Variants in RAB7A observed in about 807,000 individuals in gnomAD.
RAB7A encodes RAB7A, member RAS oncogene family.
In RAB7A, 2 loss-of-function variants were observed where a neutral mutation model predicts 24.5. That is an observed-to-expected ratio of 0.08 (90% CI 0.03 to 0.26). RAB7A has a LOEUF of 0.26. RAB7A is among the 10% of genes least tolerant of loss of function. The probability of loss-of-function intolerance (pLI) is 1.00; values close to 1 mark genes in which losing one functional copy is unlikely to be tolerated. For synonymous variants in RAB7A, 100 were observed against 95.9 expected, an observed-to-expected ratio of 1.04 and a Z score of -0.25; for missense variants, 118 against 255.7, an observed-to-expected ratio of 0.46 and a Z score of 3.67.
intron 1 of RAB7A, among the ~76,000 whole-genome samples, chr3:128,734,165 C>G (rs969532654): frequency 3.3e-5 from 5 of 152,104 alleles, no homozygotes; most frequent in Admixed American, 6.5e-5. Flanking sequence ...CACAGTGGCT[C>G]ATGCCTGTAA....
intron 5 of RAB7A, among the ~76,000 whole-genome samples, chr3:128,808,351 CTCTG>C (rs1280767677): frequency 6.6e-6 from 1 of 151,944 alleles, no homozygotes; most frequent in South Asian, 2.1e-4. Flanking sequence ...CAGAGTGGGA[CTCTG>C]TCTAAAAAAA....
At chr3:128,791,050 C>T (rs927948239) in intron 1 of RAB7A, among the ~76,000 whole-genome samples, 17 of 152,028 alleles carry the variant, frequency 1.1e-4, no homozygotes, top group African/African-American at 3.4e-4. Flanking sequence ...GTCCTGTACT[C>T]GTGCTAACCA....
rs1245141879 is a variant in RAB7A, at chr3:128,806,623, A to G, written c.399+33A>G. 3 of 1,584,488 alleles carry G rather than the reference A, an allele frequency of 1.9e-6. No individual in the cohort carries two copies. The African/African-American group carries it at 4.0e-5, about 21-fold the overall frequency. On this transcript the variant is annotated intron_variant, in intron 4 of 5. Transcript: ENST00000265062. ...CCAACGATGATAGATATTGTCACAG[A>G]CACCTGCTCCCCAGGGGCCTTGTGA...
intron 3 of RAB7A, among the ~76,000 whole-genome samples, chr3:128,802,693 G>A (rs1933725251): frequency 6.6e-6 from 1 of 151,806 alleles, no homozygotes; most frequent in Admixed American, 6.6e-5. Flanking sequence ...ATTCTTAGTA[G>A]AGATGGGGTT....
chr3:128,727,240 T>G (rs2070389551), intron 1 of RAB7A, among the ~76,000 whole-genome samples: 1 of 152,240 alleles, frequency 6.6e-6, no homozygotes, highest in Admixed American at 6.5e-5. Context: ...TGTGCCCACT[T>G]AACACAGTGG....
chr3:128,774,368 GGA>G (rs1003654482), intron 1 of RAB7A, among the ~76,000 whole-genome samples: 1 of 151,932 alleles, frequency 6.6e-6, no homozygotes, highest in Non-Finnish European at 1.5e-5. Context: ...GGTGTTGGGT[GGA>G]GAGTGGTTGG....
chr3:128,740,521 A>G (rs942757761), intron 1 of RAB7A, among the ~76,000 whole-genome samples: 2 of 152,098 alleles, frequency 1.3e-5, no homozygotes, highest in Admixed American at 6.6e-5. Flanking sequence ...TCATTTATAT[A>G]CTTGTCAATT....
chr3:128,803,459 T>C (rs1933739096), intron 3 of RAB7A, among the ~76,000 whole-genome samples: 1 of 151,872 alleles, frequency 6.6e-6, no homozygotes, highest in Non-Finnish European at 1.5e-5. Flanking sequence ...ATGGTAGGAG[T>C]GTAGTAATGA....
Position 128,814,727 on chromosome 3 carries a change from T to A in RAB7A, c.*1305T>A, listed in dbSNP as rs1298392855. 6.6e-6 allele frequency: 1 copy of A among 152,662 alleles called. No individual in the cohort carries two copies. Among genetic ancestry groups the A allele is most frequent in the East Asian group, 1.9e-4 (1 of 5,198 alleles). 9.5% of individuals were successfully genotyped at this position (152,662 alleles called of 1,614,324 possible). A position where few individuals can be genotyped will look rare whatever the true frequency, so the allele number is the denominator to read the frequency against. ...TTCTCCTTTTTCCAAAGGTCTACAT[T>A]CTAGGGTGTGGGCTGAGTTCTTCTG... On this transcript the variant is annotated 3_prime_UTR_variant, in exon 6 of 6. Coordinates refer to ENST00000265062, the MANE Select transcript of RAB7A (RefSeq NM_004637.6).
chr3:128,785,799 G>C (rs1341970808), intron 1 of RAB7A, among the ~76,000 whole-genome samples: 2 of 151,004 alleles, frequency 1.3e-5, no homozygotes, highest in Admixed American at 6.6e-5. Context: ...TCCTTGATGT[G>C]CTTCTCTCAC....
intron 2 of RAB7A, among the ~76,000 whole-genome samples, 182 bp from the exon 3 acceptor site, chr3:128,797,761 C>G (rs1933606703): frequency 6.6e-6 from 1 of 152,208 alleles, no homozygotes; most frequent in East Asian, 1.9e-4. Flanking sequence ...TATTTTTACC[C>G]AGAGAGAAAA....
chr3:128,764,167 G>A (rs902991439), intron 1 of RAB7A, among the ~76,000 whole-genome samples: 6 of 152,062 alleles, frequency 3.9e-5, no homozygotes, highest in African/African-American at 1.2e-4. Flanking sequence ...AGCTCCCTGT[G>A]ACTCCTTTCT....
intron 5 of RAB7A, 84 bp downstream of exon 5, chr3:128,807,755 T>TTTTCC: frequency 1.3e-6 from 2 of 1,587,882 alleles, no homozygotes; most frequent in Non-Finnish European, 1.7e-6. Flanking sequence ...CCCTTAATCT[T>TTTTCC]CTTCCCTAAC....
At chr3:128,755,569 A>G (rs1010273901) in intron 1 of RAB7A, among the ~76,000 whole-genome samples, 1 of 152,208 alleles carries the variant, frequency 6.6e-6, no homozygotes, top group Non-Finnish European at 1.5e-5. Context: ...AACAAAATTG[A>G]CAATCCCTTA....
chr3:128,783,772 G>C (rs1038038007), intron 1 of RAB7A, among the ~76,000 whole-genome samples: 1 of 152,192 alleles, frequency 6.6e-6, no homozygotes. Flanking sequence ...TTTCCAGCAT[G>C]CTTTCTGGGA....
chr3:128,735,563 T>C (rs1434333055), intron 1 of RAB7A, among the ~76,000 whole-genome samples: 1 of 152,224 alleles, frequency 6.6e-6, no homozygotes. Flanking sequence ...TGGGCTAGGA[T>C]TGAAATACTA....
intron 2 of RAB7A, among the ~76,000 whole-genome samples, chr3:128,796,394 G>C (rs1214267960): frequency 6.6e-6 from 1 of 152,076 alleles, no homozygotes; most frequent in Non-Finnish European, 1.5e-5. Flanking sequence ...TGAGGCTGTA[G>C]CAAGCTATGA....
intron 1 of RAB7A, among the ~76,000 whole-genome samples, chr3:128,742,852 C>T (rs2070568134): frequency 6.6e-6 from 1 of 152,266 alleles, no homozygotes; most frequent in African/African-American, 2.4e-5. Flanking sequence ...CTCAGGAGCC[C>T]AGCTGGCTTC....
intron 1 of RAB7A, among the ~76,000 whole-genome samples, chr3:128,753,249 A>G (rs2070703225): frequency 6.6e-6 from 1 of 152,178 alleles, no homozygotes; most frequent in Non-Finnish European, 1.5e-5. Flanking sequence ...TGTTAAGTGA[A>G]GTTAGCCAAG....
Sources: gnomAD v4.1 joint callset for allele counts (sites outside exome capture counted in the v4.1 genomes callset) on GRCh38, gnomAD v4.1.1 for gene constraint, MANE v1.5 for transcripts, NCBI Gene and HGNC (gene_info 2026-07-23, HGNC 2026-07-21) for gene names.